ORC5: variants seen among roughly 807,000 people sequenced by gnomAD.
ORC5 encodes protein phosphatase 1, regulatory subunit 117.
Under a neutral mutation model 58.8 loss-of-function variants are expected in ORC5, and 39 were observed. The observed-to-expected ratio is 0.66, with a 90% CI of 0.51 to 0.87. The LOEUF (loss-of-function observed/expected upper bound fraction) is 0.87. Among genes scored for constraint, ORC5 ranks in the 40% least tolerant of loss-of-function variants. The probability of loss-of-function intolerance (pLI) is 0.00; values close to 1 mark genes in which losing one functional copy is unlikely to be tolerated. For missense variants in ORC5, 493 were observed against 506.3 expected (o/e 0.97, Z 0.25); for synonymous variants, 218 against 177.6 (o/e 1.23, Z -1.81).
intron 12 of ORC5, among the ~76,000 whole-genome samples, chr7:104,141,761 A>G (rs1653601296): frequency 6.6e-6 from 1 of 152,230 alleles, no homozygotes; most frequent in Non-Finnish European, 1.5e-5. Context: ...AATAAATTTA[A>G]TCAAGAAGGT....
rs1584477422 is a variant in ORC5 at position 104,136,583 on chromosome 7, C to T, written c.1262+198G>A. 6.6e-6 allele frequency among the ~76,000 whole-genome samples: 1 copy of T among 152,206 alleles called. No individual in the cohort carries two copies. Among genetic ancestry groups the T allele is most frequent in the Non-Finnish European group, 1.5e-5 (1 of 68,012 alleles). Reference sequence around the variant, plus strand: ...GTTTTTCAGAATCTTGATTTTTGTCCTCTAACATATTAGCTATTTCTCCCA... The same window carrying T: ...GTTTTTCAGAATCTTGATTTTTGTCTTCTAACATATTAGCTATTTCTCCCA... On this transcript the variant is annotated intron_variant, in intron 13 of 13. Transcript: ENST00000297431. This position sits in a 1 kb window ranked among gnomAD's most constrained non-coding sequence, Gnocchi z 4.2.
intron 8 of ORC5, among the ~76,000 whole-genome samples, chr7:104,175,945 T>G (rs1444191350): frequency 6.6e-6 from 1 of 152,182 alleles, no homozygotes; most frequent in East Asian, 1.9e-4. Flanking sequence ...ACTAAACTTA[T>G]TTGAAACTGA....
intron 5 of ORC5, 44 bp from the exon 6 acceptor site, chr7:104,188,425 C>A: frequency 6.8e-7 from 1 of 1,472,106 alleles, no homozygotes; most frequent in South Asian, 1.3e-5. Context: ...TAACATAGTA[C>A]ACTAATCATA....
chr7:104,146,868 G>C (rs1798761091), intron 12 of ORC5, among the ~76,000 whole-genome samples: 1 of 152,162 alleles, frequency 6.6e-6, no homozygotes, highest in Admixed American at 6.5e-5. Flanking sequence ...TCCTGGTTGT[G>C]ATATTTTACT....
chr7:104,183,937 A>G lies in ORC5; in HGVS notation c.824+6T>C, dbSNP rs751190783. ...AAACTAGTATGCATACTAAATAGAA[A>G]ATTACCTTGATATTTCCCTGAGATA... On this transcript the variant is annotated splice_donor_region_variant and intron_variant, in intron 8 of 13. Coordinates refer to ENST00000297431, the MANE Select transcript of ORC5 (RefSeq NM_002553.4). The G allele has an allele frequency of 6.3e-7, 1 of 1,586,108 alleles. No individual in the cohort carries two copies. The highest frequency in any genetic ancestry group is 1.1e-5 in the South Asian group (1 of 88,864).
chr7:104,175,900 C>T (rs188153603), intron 8 of ORC5, among the ~76,000 whole-genome samples: 114 of 152,200 alleles, frequency 7.5e-4, no homozygotes, highest in Non-Finnish European at 1.2e-3. Context: ...TTCAGCTAGT[C>T]CTATCTAAAA....
chr7:104,184,138 C>CA lies in ORC5; in HGVS notation c.717_718insT (p.Val240CysfsTer3). On this transcript the variant is annotated frameshift_variant, in exon 7 of 14. Coordinates refer to ENST00000297431, the MANE Select transcript of ORC5 (RefSeq NM_002553.4). LOFTEE classifies it high-confidence loss of function. ...ACACAGTTACCTTCTCCTTTAACCA[C>CA]GGGTTCACAATATTTAGGAAAATTA... is the stretch of plus-strand genomic sequence containing the variant. The CA allele has an allele frequency of 6.3e-7, 1 of 1,586,712 alleles. No individual in the cohort carries two copies. Among genetic ancestry groups the CA allele is most frequent in the Non-Finnish European group, 8.6e-7 (1 of 1,162,428 alleles).
intron 12 of ORC5, among the ~76,000 whole-genome samples, chr7:104,153,899 C>A (rs1798883364): frequency 6.6e-6 from 1 of 151,922 alleles, no homozygotes; most frequent in East Asian, 1.9e-4. Context: ...ATCTGACTAG[C>A]GTTTAATGAA....
At chr7:104,200,690 T>C (rs180774908) in intron 3 of ORC5, 68 bp downstream of exon 3, 12 of 1,002,262 alleles carry the variant, frequency 1.2e-5, no homozygotes, top group African/African-American at 8.1e-5. Context: ...AACAAATATA[T>C]GAAAATTGAT....
At chr7:104,168,305 G>A in intron 9 of ORC5, 168 bp downstream of exon 9, 5 of 1,196,608 alleles carry the variant, frequency 4.2e-6, no homozygotes, top group East Asian at 3.0e-5. Context: ...TTAAATTAGA[G>A]CTTCAGTTAA....
chr7:104,163,588 G>A (rs1000113277), intron 11 of ORC5, among the ~76,000 whole-genome samples: 2 of 152,144 alleles, frequency 1.3e-5, no homozygotes, highest in African/African-American at 4.8e-5. Flanking sequence ...CCAGGTTCAC[G>A]CCATTCTCCC....
Position 104,184,148 on chromosome 7 carries a change from A to G in ORC5, c.708T>C (p.Tyr236=). 1 of 1,580,652 alleles carries G rather than the reference A, an allele frequency of 6.3e-7. No individual in the cohort carries two copies. ...CTTCTCCTTTAACCACGGGTTCACA[A>G]TATTTAGGAAAATTAAGTACTGCCT... ...RHLAVLNFPK[Y]CEPVVKGEAS... is the part of the protein sequence containing the mutation. Residue 236 remains tyrosine, a synonymous_variant, in exon 7 of 14, where the codon TAT becomes TAC. Coordinates refer to ENST00000297431, the MANE Select transcript of ORC5 (RefSeq NM_002553.4).
At chr7:104,181,440 T>C (rs892714351) in intron 8 of ORC5, among the ~76,000 whole-genome samples, 7 of 152,134 alleles carry the variant, frequency 4.6e-5, no homozygotes, top group Admixed American at 1.3e-4. Context: ...CAGGATATAA[T>C]TGGAAACACT....
At chr7:104,189,024 T>C (rs897168506) in intron 5 of ORC5, among the ~76,000 whole-genome samples, 2 of 152,096 alleles carry the variant, frequency 1.3e-5, no homozygotes, top group African/African-American at 2.4e-5. Flanking sequence ...CTTTTCTTTA[T>C]AAATTTATAA....
intron 13 of ORC5, among the ~76,000 whole-genome samples, chr7:104,131,073 T>C (rs528339090): frequency 2.0e-5 from 3 of 152,304 alleles, no homozygotes; most frequent in Admixed American, 6.5e-5. Context: ...ATTGGTGCCA[T>C]TGTAAGTAAA....
At chr7:104,147,509 C>G (rs553471548) in intron 12 of ORC5, among the ~76,000 whole-genome samples, 2 of 152,048 alleles carry the variant, frequency 1.3e-5, no homozygotes, top group African/African-American at 2.4e-5. Flanking sequence ...AATAATTGCA[C>G]AGTAAAATTC....
rs542802573 is a variant in ORC5, at chr7:104,176,827, G to A, written c.824+7116C>T. 3.7e-4 allele frequency among the ~76,000 whole-genome samples: 57 copies of A among 152,226 alleles called. No individual in the cohort carries two copies. The South Asian group carries it at 5.6e-3, about 15-fold the overall frequency. On this transcript the variant is annotated intron_variant, in intron 8 of 13. Transcript: ENST00000297431. The stretch of plus-strand genomic sequence containing the variant: ...GAATTGTCGGCATAAACTTTTGCCG[G>A]GATTTATGGGCCGGGCAGTTTTATA...
rs771128337 is a variant in ORC5 at position 104,200,766 on chromosome 7, C to T, written c.358G>A (p.Val120Ile). The T allele has an allele frequency of 4.4e-6, 7 of 1,573,842 alleles. No homozygotes were observed. Among genetic ancestry groups the T allele is most frequent in the Admixed American group, 3.3e-5 (2 of 59,748 alleles). ...TTAENLKDQTVYIVLDKAEYL... is the reference protein window; with the variant it reads ...TTAENLKDQTIYIVLDKAEYL... Reference sequence around the variant, plus strand: ...CAAATGAAATTACTTACAATATATACAGTCTGATCTTTAAGATTTTCAGCT... The same window carrying T: ...CAAATGAAATTACTTACAATATATATAGTCTGATCTTTAAGATTTTCAGCT... Residue 120 changes from valine to isoleucine, a missense_variant, in exon 3 of 14, where the codon GTA becomes ATA. Val to Ile is a conservative substitution (Grantham distance 29). Transcript: ENST00000297431.
Position 104,126,697 on chromosome 7 carries a change from A to G in ORC5, c.*151T>C, listed in dbSNP as rs1331107798. On this transcript the variant is annotated 3_prime_UTR_variant, in exon 14 of 14. Transcript: ENST00000297431. ...CTCACATCCACCCAGACCAATCAGA[A>G]TATTTTCATCAGATTCCATGCTGGG... The G allele has an allele frequency of 7.3e-5, 43 of 590,104 alleles. No homozygotes were observed. Among genetic ancestry groups the G allele is most frequent in the Non-Finnish European group, 1.2e-4 (39 of 333,454 alleles). 36.6% of individuals were successfully genotyped at this position (590,104 alleles called of 1,614,324 possible). A position where few individuals can be genotyped will look rare whatever the true frequency, so the allele number is the denominator to read the frequency against.
Sources: gnomAD v4.1 joint callset for allele counts (sites outside exome capture counted in the v4.1 genomes callset) on GRCh38, gnomAD v4.1.1 for gene constraint, Gnocchi (gnomAD v3.1) non-coding constraint, MANE v1.5 for transcripts, NCBI Gene and HGNC (gene_info 2026-07-23, HGNC 2026-07-21) for gene names.